Variants in ZNF804A observed in about 807,000 individuals in gnomAD.
ZNF804A encodes zinc finger protein 804A.
ZNF804A carries 2 observed loss-of-function variants against 16.5 expected under a neutral mutation model. The observed-to-expected ratio is 0.12, with a 90% CI of 0.05 to 0.38. The LOEUF is 0.38. ZNF804A is among the 10% of genes least tolerant of loss of function. The pLI is 0.99. For missense variants in ZNF804A, 1,473 were observed against 1,390.7 expected (o/e 1.06, Z -0.94); for synonymous variants, 534 against 489.6 (o/e 1.09, Z -1.20).
chr2:184,689,270 T>C (rs1224343605), intron 1 of ZNF804A, among the ~76,000 whole-genome samples: 1 of 152,176 alleles, frequency 6.6e-6, no homozygotes, highest in Non-Finnish European at 1.5e-5. Flanking sequence ...ATACAATATT[T>C]CTGATACAAT....
intron 1 of ZNF804A, among the ~76,000 whole-genome samples, chr2:184,649,417 G>T (rs1321803954): frequency 2.0e-5 from 3 of 151,932 alleles, no homozygotes; most frequent in Non-Finnish European, 4.4e-5. Context: ...CAGATGAAAA[G>T]AAATAACTAA....
chr2:184,938,704 TGCAGCAGCACGCTGCAGCTGCTGCA>T lies in ZNF804A; in HGVS notation c.3311_3335del (p.Gln1104LeufsTer37). Reference sequence around the variant, plus strand: ...GTAACCACTATCCATCACACTGTTTTGCAGCAGCACGCTGCAGCTGCTGCAGCTGCAGCTGCAGCCGCAGCTGCAG... The same window carrying T: ...GTAACCACTATCCATCACACTGTTTTGCTGCAGCTGCAGCCGCAGCTGCAG... On this transcript the variant is annotated frameshift_variant, in exon 4 of 4. Coordinates refer to ENST00000302277, the MANE Select transcript of ZNF804A (RefSeq NM_194250.2). LOFTEE classifies it low-confidence loss of function (END_TRUNC). 1 of 1,613,588 alleles carries T rather than the reference TGCAGCAGCACGCTGCAGCTGCTGCA, an allele frequency of 6.2e-7. No homozygotes were observed. Among genetic ancestry groups the T allele is most frequent in the Non-Finnish European group, 8.5e-7 (1 of 1,179,760 alleles).
At chr2:184,766,219 T>C (rs1298748110) in intron 1 of ZNF804A, among the ~76,000 whole-genome samples, 2 of 152,150 alleles carry the variant, frequency 1.3e-5, no homozygotes. Flanking sequence ...TAAATTATTA[T>C]TTTTATGAAT....
intron 1 of ZNF804A, among the ~76,000 whole-genome samples, chr2:184,863,939 A>G (rs1260092653): frequency 6.6e-6 from 1 of 152,178 alleles, no homozygotes; most frequent in Admixed American, 6.5e-5. Flanking sequence ...CAATTAGTAT[A>G]AGTAGGAATA....
At chr2:184,826,457 G>A (rs903615518) in intron 1 of ZNF804A, among the ~76,000 whole-genome samples, 7 of 151,956 alleles carry the variant, frequency 4.6e-5, no homozygotes, top group African/African-American at 1.7e-4. Context: ...AAATTTCATG[G>A]AAATTAGTGA....
At chr2:184,800,920 T>C (rs1574218898) in intron 1 of ZNF804A, among the ~76,000 whole-genome samples, 1 of 152,118 alleles carries the variant, frequency 6.6e-6, no homozygotes, top group African/African-American at 2.4e-5. Context: ...AGATGCATTT[T>C]TTAAATGTAG....
intron 1 of ZNF804A, among the ~76,000 whole-genome samples, chr2:184,806,141 C>T (rs1694798593): frequency 6.6e-6 from 1 of 151,888 alleles, no homozygotes; most frequent in African/African-American, 2.4e-5. Flanking sequence ...ACTTTAGAAG[C>T]CAATTAATAA....
intron 1 of ZNF804A, among the ~76,000 whole-genome samples, chr2:184,839,483 A>G (rs959254726): frequency 1.3e-5 from 2 of 152,132 alleles, no homozygotes; most frequent in African/African-American, 4.8e-5. Context: ...CACAGCTGAA[A>G]AATTATATTT....
intron 2 of ZNF804A, among the ~76,000 whole-genome samples, chr2:184,880,052 A>G (rs533485671): frequency 3.3e-5 from 5 of 152,068 alleles, no homozygotes; most frequent in Non-Finnish European, 5.9e-5. Context: ...ATTTGCAACC[A>G]ACTACTTCAG....
At chr2:184,919,604 T>C (rs749073823) in intron 2 of ZNF804A, among the ~76,000 whole-genome samples, 1 of 152,214 alleles carries the variant, frequency 6.6e-6, no homozygotes, top group Non-Finnish European at 1.5e-5. Context: ...CAGAAGTCTA[T>C]CCACATACCC....
rs76692397 is a variant in ZNF804A, at chr2:184,654,523, T to C, written c.111+55453T>C. On this transcript the variant is annotated intron_variant, in intron 1 of 3. Coordinates refer to ENST00000302277, the MANE Select transcript of ZNF804A (RefSeq NM_194250.2). ...CTATTGTCATACATTGTTTGGCTGT[T>C]GTTTGTATATTCAATGTCTCAGTGC... Among the ~76,000 whole-genome samples the C allele has an allele frequency of 6.3e-3, 964 of 152,272 alleles. 21 individuals carry two copies. The highest frequency in any genetic ancestry group is 0.049 in the East Asian group (255 of 5,174).
At chr2:184,795,532 T>A (rs146936665) in intron 1 of ZNF804A, among the ~76,000 whole-genome samples, 2,177 of 149,990 alleles carry the variant, frequency 0.015, 57 homozygotes, top group African/African-American at 0.05. Flanking sequence ...AAAGAACAAA[T>A]CAAACCCAAA....
chr2:184,693,217 G>A (rs1692762378), intron 1 of ZNF804A, among the ~76,000 whole-genome samples: 1 of 151,960 alleles, frequency 6.6e-6, no homozygotes. Flanking sequence ...AAAAATCTAG[G>A]ATTAAAAAAT....
chr2:184,701,775 GCTAAC>G (rs1483063023), intron 1 of ZNF804A, among the ~76,000 whole-genome samples: 1 of 151,840 alleles, frequency 6.6e-6, no homozygotes, highest in Non-Finnish European at 1.5e-5. Context: ...CTGTAGAATT[GCTAAC>G]CAGTAACAAA....
chr2:184,713,416 A>G (rs1294649420), intron 1 of ZNF804A, among the ~76,000 whole-genome samples: 1 of 151,868 alleles, frequency 6.6e-6, no homozygotes, highest in Non-Finnish European at 1.5e-5. Flanking sequence ...TATCCAAACC[A>G]CGGTTTAATT....
chr2:184,721,720 C>T (rs889376405), intron 1 of ZNF804A, among the ~76,000 whole-genome samples: 3 of 152,038 alleles, frequency 2.0e-5, no homozygotes, highest in Non-Finnish European at 4.4e-5. Context: ...GACTGTACGA[C>T]CCAGCAATCT....
At chr2:184,751,980 A>G (rs1412089931) in intron 1 of ZNF804A, among the ~76,000 whole-genome samples, 1 of 151,692 alleles carries the variant, frequency 6.6e-6, no homozygotes, top group Non-Finnish European at 1.5e-5. Flanking sequence ...TCAAAACACA[A>G]GAGATGTTGT....
intron 1 of ZNF804A, among the ~76,000 whole-genome samples, chr2:184,708,748 A>G (rs1693075902): frequency 6.6e-6 from 1 of 152,152 alleles, no homozygotes; most frequent in Non-Finnish European, 1.5e-5. Context: ...AAATATATAC[A>G]CTATGTAAAG....
At chr2:184,701,999 T>C (rs976950879) in intron 1 of ZNF804A, among the ~76,000 whole-genome samples, 1 of 152,014 alleles carries the variant, frequency 6.6e-6, no homozygotes, top group Non-Finnish European at 1.5e-5. Context: ...GAAGTAATTA[T>C]AGGTCTTTGG....
Sources: gnomAD v4.1 joint callset for allele counts (sites outside exome capture counted in the v4.1 genomes callset) on GRCh38, gnomAD v4.1.1 for gene constraint, MANE v1.5 for transcripts, NCBI Gene and HGNC (gene_info 2026-07-23, HGNC 2026-07-21) for gene names.